Variants in PACC1 observed in about 807,000 individuals in gnomAD.
PACC1 encodes the protein proton-activated chloride channel.
PACC1 carries 34 observed loss-of-function variants against 39.7 expected under a neutral mutation model. That is an observed-to-expected ratio of 0.86 (90% CI 0.65 to 1.14). The LOEUF (loss-of-function observed/expected upper bound fraction) is 1.14. PACC1 is among the 50% of genes most tolerant of loss of function. The pLI is 0.00. For synonymous variants in PACC1, 127 were observed against 160.6 expected, an observed-to-expected ratio of 0.79 and a Z score of 1.58; for missense variants, 379 against 436.4, an observed-to-expected ratio of 0.87 and a Z score of 1.17.
chr1:212,385,183 A>G, intron 4 of PACC1, 91 bp downstream of exon 4: 3 of 1,452,440 alleles, frequency 2.1e-6, no homozygotes, highest in Admixed American at 3.5e-5. Context: ...TGAGTGGAAG[A>G]AGGACTCCTA....
intron 5 of PACC1, among the ~76,000 whole-genome samples, chr1:212,377,911 T>G (rs1660728076): frequency 6.6e-6 from 1 of 152,162 alleles, no homozygotes; most frequent in African/African-American, 2.4e-5. Flanking sequence ...CCATTTGGTT[T>G]CCAAATGGAG....
At chr1:212,377,784 G>A (rs1461351888) in intron 5 of PACC1, 78 bp from the exon 6 acceptor site, 1 of 1,541,888 alleles carries the variant, frequency 6.5e-7, no homozygotes, top group African/African-American at 1.4e-5. Flanking sequence ...ACTGCAAGCT[G>A]GTTTCTTTGC....
At chr1:212,398,558 G>A (rs1426794605) in intron 2 of PACC1, among the ~76,000 whole-genome samples, 1 of 152,202 alleles carries the variant, frequency 6.6e-6, no homozygotes, top group Admixed American at 6.5e-5. Context: ...ACAGGTACGA[G>A]GATAAGTGAG....
intron 2 of PACC1, among the ~76,000 whole-genome samples, chr1:212,400,792 G>T (rs1220560720): frequency 6.6e-6 from 1 of 152,158 alleles, no homozygotes; most frequent in African/African-American, 2.4e-5. Flanking sequence ...AGATGTTCCT[G>T]GGAAAGGTAG....
chr1:212,401,816 G>C (rs889306104), intron 2 of PACC1, among the ~76,000 whole-genome samples: 1 of 151,410 alleles, frequency 6.6e-6, no homozygotes, highest in Non-Finnish European at 1.5e-5. Flanking sequence ...TGGGATTACA[G>C]GTGTGCACCA....
At chr1:212,385,968 C>G (rs1478678609) in intron 3 of PACC1, among the ~76,000 whole-genome samples, 2 of 152,182 alleles carry the variant, frequency 1.3e-5, no homozygotes, top group Non-Finnish European at 2.9e-5. Context: ...CAGAGACAGA[C>G]AGACTTCAGA....
intron 2 of PACC1, among the ~76,000 whole-genome samples, chr1:212,403,828 G>A (rs911104217): frequency 4.6e-5 from 7 of 152,030 alleles, no homozygotes; most frequent in African/African-American, 1.7e-4. Context: ...GCCTCCCAAA[G>A]TGCTGGGATT....
intron 2 of PACC1, 113 bp from the exon 3 acceptor site, chr1:212,387,213 A>T: frequency 1.0e-6 from 1 of 955,488 alleles, no homozygotes; most frequent in Non-Finnish European, 1.6e-6. Flanking sequence ...AGTCACCTGC[A>T]CGCCCAACCT....
At chr1:212,414,256 G>A (rs1662244811) in intron 1 of PACC1, among the ~76,000 whole-genome samples, 1 of 152,226 alleles carries the variant, frequency 6.6e-6, no homozygotes, top group Non-Finnish European at 1.5e-5. Context: ...CAGCCGCGGG[G>A]ACAGCGAGGC....
At chr1:212,379,720 T>A (rs1278790619) in intron 5 of PACC1, among the ~76,000 whole-genome samples, 175 bp downstream of exon 5, 2 of 152,214 alleles carry the variant, frequency 1.3e-5, no homozygotes, top group African/African-American at 2.4e-5. Flanking sequence ...AACTTTGTGA[T>A]AAGATGTTGA....
intron 7 of PACC1, among the ~76,000 whole-genome samples, chr1:212,374,150 G>A (rs1660564477): frequency 6.6e-6 from 1 of 151,642 alleles, no homozygotes; most frequent in South Asian, 2.1e-4. Flanking sequence ...ATCAACTCAA[G>A]TATCCATCAA....
chr1:212,412,318 C>T (rs1662158813), intron 1 of PACC1, among the ~76,000 whole-genome samples: 1 of 152,156 alleles, frequency 6.6e-6, no homozygotes, highest in Non-Finnish European at 1.5e-5. Context: ...AAGCCTCACT[C>T]AGGTTCACCC....
At chr1:212,407,632 G>GTTTT (rs1661966526) in intron 2 of PACC1, among the ~76,000 whole-genome samples, 2 of 152,182 alleles carry the variant, frequency 1.3e-5, no homozygotes, top group African/African-American at 4.8e-5. Flanking sequence ...TTATTGTTTT[G>GTTTT]TGTGAGTGTT....
intron 1 of PACC1, chr1:212,413,946 A>G: frequency 6.5e-7 from 1 of 1,535,704 alleles, no homozygotes; most frequent in Non-Finnish European, 8.7e-7. Context: ...GGAGGGGCAC[A>G]GAAGAGGACG....
At chr1:212,412,849 G>C (rs186957890) in intron 1 of PACC1, among the ~76,000 whole-genome samples, 18 of 152,302 alleles carry the variant, frequency 1.2e-4, no homozygotes, top group Non-Finnish European at 1.3e-4. Flanking sequence ...GTCACCATTT[G>C]CCAGACACTG....
chr1:212,412,383 A>G (rs1662166216), intron 1 of PACC1, among the ~76,000 whole-genome samples: 1 of 152,194 alleles, frequency 6.6e-6, no homozygotes, highest in Non-Finnish European at 1.5e-5. Flanking sequence ...ACCCACAGCC[A>G]TAATGAGCCT....
At chr1:212,393,411 A>G (rs1303397457) in intron 2 of PACC1, among the ~76,000 whole-genome samples, 1 of 152,240 alleles carries the variant, frequency 6.6e-6, no homozygotes, top group Non-Finnish European at 1.5e-5. Flanking sequence ...ACAACATACC[A>G]GAATCTCTGG....
intron 2 of PACC1, among the ~76,000 whole-genome samples, chr1:212,401,650 T>G (rs1385255267): frequency 6.9e-6 from 1 of 144,632 alleles, no homozygotes; most frequent in Non-Finnish European, 1.5e-5. Context: ...AAAAAATTTA[T>G]CCAAGTTACA....
chr1:212,367,551 G>A, intron 7 of PACC1, among the ~76,000 whole-genome samples: 1 of 152,184 alleles, frequency 6.6e-6, no homozygotes, highest in East Asian at 1.9e-4. Flanking sequence ...GACTAAAGTG[G>A]CCTTAGGCCC....
Sources: gnomAD v4.1 joint callset for allele counts (sites outside exome capture counted in the v4.1 genomes callset) on GRCh38, gnomAD v4.1.1 for gene constraint, MANE v1.5 for transcripts, NCBI Gene and HGNC (gene_info 2026-07-23, HGNC 2026-07-21) for gene names.